LAMB1: variants seen among roughly 807,000 people sequenced by gnomAD.
LAMB1 encodes laminin subunit beta-1.
A neutral mutation model predicts 222.3 loss-of-function variants in LAMB1; 121 were observed. The observed-to-expected ratio is 0.54, with a 90% confidence interval of 0.47 to 0.63. The LOEUF (loss-of-function observed/expected upper bound fraction) is 0.63. LAMB1 is among the 30% of genes least tolerant of loss of function. The probability of loss-of-function intolerance (pLI) is 0.00; values close to 1 mark genes in which losing one functional copy is unlikely to be tolerated. For synonymous variants in LAMB1, 794 were observed against 807.2 expected (o/e 0.98, Z 0.28); for missense variants, 2,172 against 2,240.8 (o/e 0.97, Z 0.62).
At chr7:107,994,599 G>T (rs964926497) in intron 5 of LAMB1, among the ~76,000 whole-genome samples, 1 of 152,154 alleles carries the variant, frequency 6.6e-6, no homozygotes, top group Admixed American at 6.6e-5. Flanking sequence ...GTTTGGAAAA[G>T]GGTCAACACT....
intron 7 of LAMB1, among the ~76,000 whole-genome samples, chr7:107,985,588 C>T (rs1490977210): frequency 2.0e-5 from 3 of 151,748 alleles, no homozygotes; most frequent in Non-Finnish European, 2.9e-5. Flanking sequence ...TAGATCGCGC[C>T]ACTGCACTCC....
intron 13 of LAMB1, 93 bp downstream of exon 13, chr7:107,972,898 GT>G: frequency 1.0e-6 from 1 of 982,366 alleles, no homozygotes; most frequent in East Asian, 2.4e-5. Flanking sequence ...TATTTTGCAT[GT>G]CTTTTTGAGA....
rs753339381 is a variant in LAMB1 at position 107,953,593 on chromosome 7, C to T, written c.3016G>A (p.Gly1006Arg). ...AACCGGCAGAACTGACAGTGTTCCC[C>T]TTCCGTGTGGTACAGGCACTTGAGA... is the stretch of plus-strand genomic sequence containing the variant. The part of the protein sequence containing the change: ...RCLKCLYHTE[G>R]EHCQFCRFGY... The change falls in exon 22 of 34, where the codon GGG (glycine) becomes AGG (arginine). Residue 1006 changes from glycine to arginine, a missense_variant. Transcript: ENST00000222399. 9 of 1,614,198 alleles carry T rather than the reference C, an allele frequency of 5.6e-6. No individual in the cohort carries two copies. The highest frequency in any genetic ancestry group is 2.2e-5 in the East Asian group (1 of 44,884).
At chr7:107,956,763 G>A (rs971431678) in intron 20 of LAMB1, among the ~76,000 whole-genome samples, 2 of 152,186 alleles carry the variant, frequency 1.3e-5, no homozygotes, top group African/African-American at 4.8e-5. Flanking sequence ...GTGCTCTCCA[G>A]CTGTGTAGCC....
At position 107,940,020 on chromosome 7, in the gene LAMB1, T is replaced by C; in HGVS notation, c.3730A>G (p.Lys1244Glu). Residue 1244 changes from lysine (K) to glutamate (E), a missense_variant, in exon 25 of 34, where the codon AAA becomes GAA. By Grantham distance (56) the Lys-to-Glu change is moderately conservative. Transcript: ENST00000222399. ...TCCTCAAAGAGATTCCCAATGTTTT[T>C]CAGTGGCTCTGCTGCGGGGCTCTGC... is the stretch of plus-strand genomic sequence containing the variant. ...LAQSPAAEPLKNIGNLFEEAE... is the reference protein window; with the variant it reads ...LAQSPAAEPLENIGNLFEEAE... 6.2e-7 allele frequency: 1 copy of C among 1,614,100 alleles called. No individual in the cohort carries two copies. Among genetic ancestry groups the C allele is most frequent in the African/African-American group, 1.3e-5 (1 of 75,062 alleles).
In LAMB1 at chr7:107,951,753, A is replaced by G. The variant is rs2072209; in HGVS notation, c.3294+256T>C. ...TTCAGCGCCCAGGTACTGAAGAGAA[A>G]TAGCACACCCTTGTCTATTGTTAAG... On this transcript the variant is annotated intron_variant, in intron 23 of 33. Coordinates refer to ENST00000222399, the MANE Select transcript of LAMB1 (RefSeq NM_002291.3). 0.054 allele frequency among the ~76,000 whole-genome samples: 8,215 copies of G among 152,266 alleles called. 310 individuals are homozygous for G. The highest frequency in any genetic ancestry group is 0.13 in the East Asian group (665 of 5,166).
intron 13 of LAMB1, among the ~76,000 whole-genome samples, chr7:107,969,895 T>C (rs1055052526): frequency 1.5e-4 from 23 of 152,260 alleles, no homozygotes; most frequent in Admixed American, 1.4e-3. Context: ...AATGTTATTA[T>C]GCAGTACATG....
At position 107,976,387 on chromosome 7, in the gene LAMB1, G is replaced by A. The variant is rs549875284; in HGVS notation, c.1001-510C>T. 2.0e-5 allele frequency among the ~76,000 whole-genome samples: 3 copies of A among 152,312 alleles called. No individual in the cohort carries two copies. In the South Asian group the frequency reaches 6.2e-4, roughly 32 times the overall value. ...CACCACCACACCAGGCCAGGCCATA[G>A]TAAGGAAGGTAGGTCTGTTTAACAG... On this transcript the variant is annotated intron_variant, in intron 9 of 33. Transcript: ENST00000222399.
chr7:107,949,107 A>G (rs188023264), intron 24 of LAMB1, among the ~76,000 whole-genome samples: 4 of 152,338 alleles, frequency 2.6e-5, no homozygotes, highest in East Asian at 3.9e-4. Context: ...TTGGCGAACA[A>G]TGATGCCATG....
intron 21 of LAMB1, among the ~76,000 whole-genome samples, chr7:107,954,807 A>G (rs1244456814): frequency 6.6e-6 from 1 of 152,088 alleles, no homozygotes; most frequent in Non-Finnish European, 1.5e-5. Context: ...AAAACAAAAC[A>G]AAGAATTACA....
intron 7 of LAMB1, among the ~76,000 whole-genome samples, chr7:107,985,221 C>G (rs2034050613): frequency 1.3e-5 from 2 of 152,186 alleles, no homozygotes; most frequent in African/African-American, 4.8e-5. Flanking sequence ...AATTTCAAGA[C>G]CCTCTGGTCA....
intron 8 of LAMB1, 28 bp from the exon 9 acceptor site, chr7:107,978,195 C>G (rs2033906050): frequency 6.2e-7 from 1 of 1,610,244 alleles, no homozygotes; most frequent in South Asian, 1.1e-5. Context: ...CAGGAGAGAA[C>G]AAAGGAAGAG....
intron 5 of LAMB1, among the ~76,000 whole-genome samples, chr7:107,994,381 C>T (rs549757648): frequency 2.1e-4 from 32 of 152,160 alleles, no homozygotes; most frequent in African/African-American, 7.2e-4. Flanking sequence ...AATAATAATC[C>T]CATGGGCTTA....
At chr7:107,965,096 C>A (rs2033603563) in intron 13 of LAMB1, among the ~76,000 whole-genome samples, 1 of 152,202 alleles carries the variant, frequency 6.6e-6, no homozygotes, top group South Asian at 2.1e-4. Flanking sequence ...AAGACAGAAG[C>A]CCTCAATCCC....
At chr7:107,987,564 G>T (rs574608843) in intron 5 of LAMB1, among the ~76,000 whole-genome samples, 1 of 152,242 alleles carries the variant, frequency 6.6e-6, no homozygotes, top group East Asian at 1.9e-4. Context: ...GCAGTGGCAC[G>T]ATCTCAGTTC....
At chr7:107,935,756 G>T in intron 26 of LAMB1, 100 bp from the exon 27 acceptor site, 2 of 1,299,434 alleles carry the variant, frequency 1.5e-6, no homozygotes, top group Non-Finnish European at 2.1e-6. Context: ...TAAATTTACT[G>T]TAAAGTTTTA....
chr7:107,951,978 A>C lies in LAMB1; in HGVS notation c.3294+31T>G. 3 of 1,573,108 alleles carry C rather than the reference A, an allele frequency of 1.9e-6. No individual in the cohort carries two copies. The African/African-American group carries it at 4.0e-5, about 21-fold the overall frequency. On this transcript the variant is annotated intron_variant, in intron 23 of 33. Transcript: ENST00000222399. ...ACCATGGGCTGACACCTGAGCTCAT[A>C]AAGGCATCATCCCCAGCAGCAGCCC...
chr7:107,995,222 G>A (rs1390318380), intron 4 of LAMB1, among the ~76,000 whole-genome samples: 2 of 152,148 alleles, frequency 1.3e-5, no homozygotes, highest in African/African-American at 4.8e-5. Flanking sequence ...CAAGACATCT[G>A]GCAGAGTGCC....
chr7:107,951,072 T>A (rs1260518807), intron 24 of LAMB1, 154 bp downstream of exon 24: 1 of 616,110 alleles, frequency 1.6e-6, no homozygotes, highest in Admixed American at 3.0e-5. Flanking sequence ...AGATTGTTTT[T>A]TAAACAATCA....
Sources: allele counts gnomAD v4.1 joint callset (sites outside exome capture counted in the v4.1 genomes callset), GRCh38; gene constraint gnomAD v4.1.1; transcripts MANE v1.5; gene names NCBI Gene and HGNC (gene_info 2026-07-23, HGNC 2026-07-21).